Variants in FAM107B observed in about 807,000 individuals in gnomAD.
The protein encoded by FAM107B is family with sequence similarity 107 member B, also known as protein FAM107B.
In FAM107B, 21 loss-of-function variants were observed where a neutral mutation model predicts 31.5. The observed-to-expected ratio is 0.67, with a 90% CI of 0.47 to 0.96. The LOEUF (loss-of-function observed/expected upper bound fraction) is 0.96. FAM107B is among the 40% of genes least tolerant of loss of function. The probability of loss-of-function intolerance (pLI) is 0.00; values close to 1 mark genes in which losing one functional copy is unlikely to be tolerated. For synonymous variants in FAM107B, 157 were observed against 141.5 expected, an observed-to-expected ratio of 1.11 and a Z score of -0.78; for missense variants, 452 against 377.1, an observed-to-expected ratio of 1.20 and a Z score of -1.64.
intron 2 of FAM107B, among the ~76,000 whole-genome samples, chr10:14,665,867 G>A (rs557188719): frequency 9.7e-4 from 148 of 152,296 alleles, no homozygotes; most frequent in African/African-American, 3.4e-3. Context: ...CTCATATTGC[G>A]AACATAATTT....
intron 2 of FAM107B, among the ~76,000 whole-genome samples, chr10:14,625,470 G>A (rs995019420): frequency 3.9e-5 from 6 of 152,070 alleles, no homozygotes; most frequent in Non-Finnish European, 7.4e-5. Context: ...AACTGCTCCA[G>A]CCAGGGCCTG....
rs1429546563 is a variant in FAM107B at position 14,549,311 on chromosome 10, TC to T, written c.470-18797del. ...AGGCCCCTCAGTTAACTACTCTGGA[TC>T]CCAGCTCCAAGCTGAAAGGGAAACA... On this transcript the variant is annotated intron_variant, in intron 2 of 4. Transcript: ENST00000181796. Among the ~76,000 whole-genome samples, 24 of 152,326 alleles carry T rather than the reference TC, an allele frequency of 1.6e-4. No individual in the cohort carries two copies. The East Asian group carries it at 2.7e-3, about 17-fold the overall frequency.
Position 14,629,458 on chromosome 10 carries a change from T to TATATA in FAM107B, c.469+38171_469+38175dup, listed in dbSNP as rs1853287659. Among the ~76,000 whole-genome samples the TATATA allele has an allele frequency of 2.2e-4, 12 of 53,648 alleles. 1 individual carries two copies. In the South Asian group the frequency reaches 5.8e-3, roughly 26 times the overall value. 35.2% of individuals were successfully genotyped at this position (53,648 alleles called of 152,430 possible). The stretch of plus-strand genomic sequence containing the variant: ...TATTATATATATATTATATATATAT[T>TATATA]ATATATATATTTAATATATATATAA... On this transcript the variant is annotated intron_variant, in intron 2 of 4. Transcript: ENST00000181796.
chr10:14,707,741 G>A (rs1172310988), intron 1 of FAM107B, among the ~76,000 whole-genome samples: 5 of 152,088 alleles, frequency 3.3e-5, no homozygotes, highest in South Asian at 2.1e-4. Flanking sequence ...TGTTAAAATC[G>A]CTTTGCTTTT....
At chr10:14,626,344 G>GA (rs1168967415) in intron 2 of FAM107B, among the ~76,000 whole-genome samples, 1 of 152,066 alleles carries the variant, frequency 6.6e-6, no homozygotes, top group Non-Finnish European at 1.5e-5. Context: ...TTTTCAGTCA[G>GA]ACTGTGCAAT....
intron 2 of FAM107B, among the ~76,000 whole-genome samples, chr10:14,620,391 T>C (rs911743367): frequency 6.6e-6 from 1 of 152,196 alleles, no homozygotes; most frequent in Admixed American, 6.5e-5. Context: ...TTCTTATTTG[T>C]ATTACTTTAC....
At chr10:14,741,584 G>A (rs1375414964) in intron 1 of FAM107B, among the ~76,000 whole-genome samples, 1 of 152,002 alleles carries the variant, frequency 6.6e-6, no homozygotes, top group Non-Finnish European at 1.5e-5. Context: ...AGGGGAGTCT[G>A]TTTTAAATAC....
chr10:14,527,795 T>C (rs1846455980), intron 3 of FAM107B: 1 of 202,268 alleles, frequency 4.9e-6, no homozygotes. Flanking sequence ...ATTGATGTGA[T>C]GTATCCTATA....
intron 2 of FAM107B, among the ~76,000 whole-genome samples, chr10:14,650,678 CTA>C (rs1170322202): frequency 6.6e-6 from 1 of 152,214 alleles, no homozygotes; most frequent in African/African-American, 2.4e-5. Flanking sequence ...TTCCATAAAA[CTA>C]TGCATCAGTT....
At chr10:14,561,017 G>T (rs1433831981) in intron 2 of FAM107B, among the ~76,000 whole-genome samples, 1 of 152,204 alleles carries the variant, frequency 6.6e-6, no homozygotes, top group Admixed American at 6.5e-5. Context: ...GGCACAGGGT[G>T]TGCCACTGAG....
At chr10:14,722,644 C>A (rs1478047606) in intron 1 of FAM107B, among the ~76,000 whole-genome samples, 1 of 152,098 alleles carries the variant, frequency 6.6e-6, no homozygotes, top group East Asian at 1.9e-4. Flanking sequence ...CCAGTCAAAT[C>A]CTTTGCCCAT....
At chr10:14,643,808 C>T (rs1005240737) in intron 2 of FAM107B, among the ~76,000 whole-genome samples, 14 of 152,192 alleles carry the variant, frequency 9.2e-5, no homozygotes, top group African/African-American at 3.4e-4. Context: ...AATGTCTTGG[C>T]ACCTCAAGGC....
intron 2 of FAM107B, among the ~76,000 whole-genome samples, chr10:14,546,818 AC>A (rs1848738280): frequency 1.3e-5 from 2 of 152,072 alleles, no homozygotes; most frequent in Admixed American, 1.3e-4. Flanking sequence ...TGACAACCTG[AC>A]CCCCATATTC....
chr10:14,560,392 T>C (rs930896478), intron 2 of FAM107B, among the ~76,000 whole-genome samples: 1 of 152,134 alleles, frequency 6.6e-6, no homozygotes, highest in African/African-American at 2.4e-5. Flanking sequence ...AAGCAAGCTA[T>C]ATGAAGCAAT....
At chr10:14,741,343 C>A (rs1168103504) in intron 1 of FAM107B, among the ~76,000 whole-genome samples, 3 of 152,124 alleles carry the variant, frequency 2.0e-5, no homozygotes, top group Non-Finnish European at 2.9e-5. Flanking sequence ...GAGAGTTAGC[C>A]CATAAGGGGC....
chr10:14,696,953 T>C (rs192651914), intron 1 of FAM107B, among the ~76,000 whole-genome samples: 1 of 152,272 alleles, frequency 6.6e-6, no homozygotes, highest in African/African-American at 2.4e-5. Context: ...ACTGTGGCCC[T>C]GAATCAACTG....
chr10:14,623,791 C>T (rs1853079954), intron 2 of FAM107B, among the ~76,000 whole-genome samples: 1 of 152,200 alleles, frequency 6.6e-6, no homozygotes, highest in Admixed American at 6.5e-5. Context: ...GCCCACTGCA[C>T]TCCAGCCTGG....
At chr10:14,695,237 C>T (rs1855237142) in intron 1 of FAM107B, among the ~76,000 whole-genome samples, 1 of 152,112 alleles carries the variant, frequency 6.6e-6, no homozygotes, top group Non-Finnish European at 1.5e-5. Flanking sequence ...GTTTTTCCAG[C>T]TCCATTTACT....
intron 3 of FAM107B, chr10:14,529,680 G>C (rs1401733074): frequency 6.6e-6 from 1 of 151,904 alleles, no homozygotes; most frequent in African/African-American, 2.4e-5. Context: ...AGTTCTCCTA[G>C]TCTCCTGTCC....
Sources: allele counts gnomAD v4.1 joint callset (sites outside exome capture counted in the v4.1 genomes callset), GRCh38; gene constraint gnomAD v4.1.1; transcripts MANE v1.5; gene names NCBI Gene and HGNC (gene_info 2026-07-23, HGNC 2026-07-21).